UBTD1: variants seen among roughly 807,000 people sequenced by gnomAD.
UBTD1 encodes ubiquitin domain containing 1, also known as ubiquitin domain-containing protein 1.
A neutral mutation model predicts 21.7 loss-of-function variants in UBTD1; 19 were observed. That is an observed-to-expected ratio of 0.87 (90% CI 0.61 to 1.28). The LOEUF (loss-of-function observed/expected upper bound fraction) is 1.28. Among genes scored for constraint, UBTD1 ranks in the 50% most tolerant of loss-of-function variants. UBTD1 has a pLI of 0.00. For synonymous variants in UBTD1, 116 were observed against 135.1 expected (o/e 0.86, Z 0.98); for missense variants, 282 against 315.1 (o/e 0.89, Z 0.80).
intron 1 of UBTD1, among the ~76,000 whole-genome samples, chr10:97,524,129 C>G (rs2040477624): frequency 6.6e-6 from 1 of 152,172 alleles, no homozygotes; most frequent in Admixed American, 6.5e-5. Flanking sequence ...GTTCCTCGCT[C>G]TGTCACCCAG....
chr10:97,524,798 A>G (rs1474723590), intron 1 of UBTD1, among the ~76,000 whole-genome samples: 9 of 152,068 alleles, frequency 5.9e-5, no homozygotes, highest in Non-Finnish European at 1.3e-4. Context: ...TGTTGTTTGC[A>G]TGGTTGAAGT....
At chr10:97,541,728 A>ATTTTTTTTTT (rs975827062) in intron 1 of UBTD1, among the ~76,000 whole-genome samples, 1 of 98,890 alleles carries the variant, frequency 1.0e-5, no homozygotes, top group African/African-American at 4.3e-5. Flanking sequence ...GTCCTCTCTG[A>ATTTTTTTTTT]TTTTTTTTTT....
intron 1 of UBTD1, among the ~76,000 whole-genome samples, chr10:97,534,421 C>T (rs768961523): frequency 1.3e-5 from 2 of 152,132 alleles, no homozygotes; most frequent in African/African-American, 2.4e-5. Context: ...GTCTTTCCTT[C>T]GAGGTACCTT....
chr10:97,516,084 A>G (rs1190111927), intron 1 of UBTD1, among the ~76,000 whole-genome samples: 1 of 152,188 alleles, frequency 6.6e-6, no homozygotes, highest in Non-Finnish European at 1.5e-5. Context: ...TGGCTTTTCC[A>G]GTTGGGGCTG....
At chr10:97,528,892 G>C (rs531549681) in intron 1 of UBTD1, among the ~76,000 whole-genome samples, 1 of 147,896 alleles carries the variant, frequency 6.8e-6, no homozygotes, top group Non-Finnish European at 1.5e-5. Context: ...CTGGCCGGGT[G>C]GGGGGCTGAC....
At chr10:97,512,541 C>T (rs960301939) in intron 1 of UBTD1, among the ~76,000 whole-genome samples, 2 of 152,244 alleles carry the variant, frequency 1.3e-5, no homozygotes, top group African/African-American at 4.8e-5. Flanking sequence ...AACCCACATG[C>T]TGTATGCACT....
chr10:97,507,419 T>C (rs927706852), intron 1 of UBTD1, among the ~76,000 whole-genome samples: 2 of 151,564 alleles, frequency 1.3e-5, no homozygotes, highest in East Asian at 1.9e-4. Context: ...GGAGGATTGC[T>C]TGAGGCCAGG....
chr10:97,531,596 A>C (rs1377775534), intron 1 of UBTD1, among the ~76,000 whole-genome samples: 2 of 152,172 alleles, frequency 1.3e-5, no homozygotes, highest in Non-Finnish European at 2.9e-5. Flanking sequence ...AAGTGGTTGG[A>C]CCAGAGACTC....
intron 1 of UBTD1, among the ~76,000 whole-genome samples, chr10:97,537,862 G>A (rs551735479): frequency 1.1e-3 from 142 of 125,232 alleles, no homozygotes; most frequent in Middle Eastern, 6.6e-3. Context: ...GTCTCTCTCT[G>A]TCATCCAGGC....
intron 1 of UBTD1, among the ~76,000 whole-genome samples, chr10:97,564,468 T>C (rs1486544820): frequency 2.6e-5 from 4 of 152,208 alleles, no homozygotes; most frequent in Non-Finnish European, 4.4e-5. Flanking sequence ...CTGTTAAAGG[T>C]CTGAATAGGA....
At chr10:97,547,429 G>A (rs554363500) in intron 1 of UBTD1, among the ~76,000 whole-genome samples, 96 of 152,170 alleles carry the variant, frequency 6.3e-4, no homozygotes, top group Middle Eastern at 3.4e-3. Flanking sequence ...CTGACCCTAC[G>A]CTGTGCAACC....
chr10:97,535,237 G>T (rs913800703), intron 1 of UBTD1, among the ~76,000 whole-genome samples: 2 of 152,186 alleles, frequency 1.3e-5, no homozygotes, highest in Non-Finnish European at 2.9e-5. Flanking sequence ...TGAACGGCTA[G>T]TTCCCATATG....
rs76543400 is a variant in UBTD1 at position 97,509,260 on chromosome 10, A to T, written c.70+9987A>T. Among the ~76,000 whole-genome samples, 526 of 152,322 alleles carry T rather than the reference A, an allele frequency of 3.5e-3. 21 individuals are homozygous for T. In the East Asian group the frequency reaches 0.073, roughly 21 times the overall value. ...GATGTTAAGATACTCAAGGTTATTG[A>T]CTGAATAAGTGGCAGAAATCATAGA... On this transcript the variant is annotated intron_variant, in intron 1 of 2. Transcript: ENST00000370664.
At chr10:97,554,680 A>T (rs1306428641) in intron 1 of UBTD1, among the ~76,000 whole-genome samples, 7 of 152,048 alleles carry the variant, frequency 4.6e-5, no homozygotes, top group Non-Finnish European at 8.8e-5. Context: ...CCTCCCGAGT[A>T]GCTGGGACTA....
At chr10:97,504,718 G>C (rs551083307) in intron 1 of UBTD1, among the ~76,000 whole-genome samples, 1 of 152,278 alleles carries the variant, frequency 6.6e-6, no homozygotes, top group East Asian at 1.9e-4. Flanking sequence ...AACTAGAGTT[G>C]GTGAAGTCTA....
intron 1 of UBTD1, among the ~76,000 whole-genome samples, chr10:97,526,854 C>CA (rs35330483): frequency 0.25 from 15,944 of 63,002 alleles, 1,634 homozygotes; most frequent in Non-Finnish European, 0.29. Context: ...GACTCCGTCT[C>CA]AAAAAAAAAA....
chr10:97,549,182 G>A (rs1438513720), intron 1 of UBTD1, among the ~76,000 whole-genome samples: 1 of 152,204 alleles, frequency 6.6e-6, no homozygotes, highest in African/African-American at 2.4e-5. Context: ...GAGGATCCGG[G>A]CCTGCCTCCT....
intron 1 of UBTD1, among the ~76,000 whole-genome samples, chr10:97,501,783 C>G (rs979307944): frequency 3.9e-5 from 6 of 152,120 alleles, no homozygotes; most frequent in African/African-American, 1.4e-4. Flanking sequence ...TATCGAGAGT[C>G]TTTCATCCTT....
At chr10:97,555,683 G>A (rs1226540365) in intron 1 of UBTD1, among the ~76,000 whole-genome samples, 7 of 152,036 alleles carry the variant, frequency 4.6e-5, no homozygotes, top group South Asian at 4.1e-4. Flanking sequence ...TGCATGCACC[G>A]GTGGTCAGAG....
Sources: gnomAD v4.1 joint callset for allele counts (sites outside exome capture counted in the v4.1 genomes callset) on GRCh38, gnomAD v4.1.1 for gene constraint, MANE v1.5 for transcripts, NCBI Gene and HGNC (gene_info 2026-07-23, HGNC 2026-07-21) for gene names.